CDX2: variants seen among roughly 807,000 people sequenced by gnomAD.
CDX2 encodes the protein caudal type homeobox 2, also known as homeobox protein CDX-2.
In CDX2, 7 loss-of-function variants were observed where a neutral mutation model predicts 25.5. The observed-to-expected ratio is 0.27, with a 90% CI of 0.16 to 0.52. CDX2 has a LOEUF of 0.52. CDX2 is among the 20% of genes least tolerant of loss of function. CDX2 has a pLI of 0.97. For missense variants in CDX2, 375 were observed against 431.4 expected, an observed-to-expected ratio of 0.87 and a Z score of 1.16; for synonymous variants, 222 against 198.6, an observed-to-expected ratio of 1.12 and a Z score of -0.99.
chr13:27,963,604 G>T (rs566960440), intron 2 of CDX2, among the ~76,000 whole-genome samples: 4 of 152,104 alleles, frequency 2.6e-5, no homozygotes, highest in African/African-American at 9.7e-5. Context: ...TCTTTTCAAA[G>T]CAACTTTTAT....
intron 1 of CDX2, chr13:27,967,308 T>A (rs566329641): frequency 1.7e-5 from 9 of 516,474 alleles, no homozygotes; most frequent in Non-Finnish European, 3.0e-5. Context: ...CCACCAGGAC[T>A]CTCCCTAGCA....
At chr13:27,965,089 T>C (rs1311978812) in intron 1 of CDX2, 74 bp from the exon 2 acceptor site, 1 of 1,485,554 alleles carries the variant, frequency 6.7e-7, no homozygotes, top group African/African-American at 1.4e-5. Flanking sequence ...CAAACCTCCC[T>C]AACCCAGGGA....
Position 27,969,241 on chromosome 13 carries a change from C to G in CDX2, c.-235G>C, listed in dbSNP as rs1386116357. ...TCCTTCTTTCCTCCCACCTCCTTCC[C>G]ACTAGGCTGCAGAGGCGGGGAAGAC... On this transcript the variant is annotated 5_prime_UTR_variant, in exon 1 of 3. Transcript: ENST00000381020. 1 of 535,408 alleles carries G rather than the reference C, an allele frequency of 1.9e-6. No homozygotes were observed. The highest frequency in any genetic ancestry group is 2.0e-5 in the African/African-American group (1 of 49,664). 33.2% of individuals were successfully genotyped at this position (535,408 alleles called of 1,614,324 possible).
Position 27,968,678 on chromosome 13 carries a change from G to C in CDX2, c.329C>G (p.Pro110Arg). Residue 110 changes from proline to arginine, a missense_variant, in exon 1 of 3, where the codon CCC (proline) becomes CGC (arginine). Pro to Arg is a moderately radical substitution (Grantham distance 103, BLOSUM62 -2). Transcript: ENST00000381020. Reference protein sequence around the residue: ...SPAAAMGYSSPADYHPHHHPH... With the variant: ...SPAAAMGYSSRADYHPHHHPH... ...GTGGTGGTGCGGATGGTAGTCTGCG[G>C]GGCTGCTGTAGCCCATGGCTGCGGC... The C allele has an allele frequency of 6.5e-7, 1 of 1,534,056 alleles. No individual in the cohort carries two copies. Among genetic ancestry groups the C allele is most frequent in the South Asian group, 1.2e-5 (1 of 83,486 alleles).
In CDX2 at chr13:27,961,086, G is replaced by A. The variant is rs1869022778; in HGVS notation, c.*2029C>T. Among the ~76,000 whole-genome samples, 3 of 152,082 alleles carry A rather than the reference G, an allele frequency of 2.0e-5. No homozygotes were observed. In the South Asian group the frequency reaches 6.2e-4, roughly 31 times the overall value. ...CCCCTGACCCAGGACCCCTCGCCCAGCGGACCCGGACACGGCTTCCTCCTC... is the reference window on the plus strand; with the variant it reads ...CCCCTGACCCAGGACCCCTCGCCCAACGGACCCGGACACGGCTTCCTCCTC... On this transcript the variant is annotated 3_prime_UTR_variant, in exon 3 of 3. Coordinates refer to ENST00000381020, the MANE Select transcript of CDX2 (RefSeq NM_001265.6).
chr13:27,962,984 CCT>C lies in CDX2; in HGVS notation c.*129_*130del, dbSNP rs1353122056. On this transcript the variant is annotated 3_prime_UTR_variant, in exon 3 of 3. Transcript: ENST00000381020. ...TGTCTTACTCCTGGCTCCCATTTTT[CCT>C]CTGAGAGCCAGGTCTGTAGGTCTAT... 4 of 1,155,506 alleles carry C rather than the reference CCT, an allele frequency of 3.5e-6. No individual in the cohort carries two copies. The highest frequency in any genetic ancestry group is 4.6e-6 in the Non-Finnish European group (4 of 878,976). The allele number at this position is 1,155,506 out of a possible 1,614,324, so 71.6% of individuals were successfully genotyped here.
chr13:27,963,057 A>C lies in CDX2; in HGVS notation c.*58T>G. 2 of 1,553,428 alleles carry C rather than the reference A, an allele frequency of 1.3e-6. No individual in the cohort carries two copies. Among genetic ancestry groups the C allele is most frequent in the Non-Finnish European group, 1.7e-6 (2 of 1,148,770 alleles). On this transcript the variant is annotated 3_prime_UTR_variant, in exon 3 of 3. Coordinates refer to ENST00000381020, the MANE Select transcript of CDX2 (RefSeq NM_001265.6). ...GGGTCTCTCCTGAGGAGTCTAGCAG[A>C]GTCCACGCTCCTCATGGCTCAGCCT...
chr13:27,968,984 T>C lies in CDX2; in HGVS notation c.23A>G (p.Asp8Gly), dbSNP rs759160901. Reference protein sequence around the residue: MYVSYLLDKDVSMYPSSV... With the variant: MYVSYLLGKDVSMYPSSV... ...GCTAGGGTACATGCTCACGTCCTTG[T>C]CCAGGAGGTAGCTCACGTACATGGT... The change falls in exon 1 of 3, where the codon GAC (aspartate) becomes GGC (glycine). Residue 8 changes from aspartate (D) to glycine (G), a missense_variant. Asp to Gly is a moderately conservative substitution (Grantham distance 94, BLOSUM62 -1). This residue lies in a region of CDX2 where 253 missense variants were observed against 247.5 expected (regional missense o/e 1.02). Coordinates refer to ENST00000381020, the MANE Select transcript of CDX2 (RefSeq NM_001265.6). The C allele has an allele frequency of 1.2e-6, 2 of 1,600,656 alleles. No homozygotes were observed. Among genetic ancestry groups the C allele is most frequent in the Admixed American group, 3.3e-5 (2 of 59,820 alleles).
At position 27,963,038 on chromosome 13, in the gene CDX2, C is replaced by T; in HGVS notation, c.*77G>A. On this transcript the variant is annotated 3_prime_UTR_variant, in exon 3 of 3. Coordinates refer to ENST00000381020, the MANE Select transcript of CDX2 (RefSeq NM_001265.6). ...GCTGTGGGTGGGAGGGGAGGGGTCT[C>T]TCCTGAGGAGTCTAGCAGAGTCCAC... 8 of 1,511,884 alleles carry T rather than the reference C, an allele frequency of 5.3e-6. No homozygotes were observed. The highest frequency in any genetic ancestry group is 7.1e-6 in the Non-Finnish European group (8 of 1,129,394). 93.7% of individuals were successfully genotyped at this position (1,511,884 alleles called of 1,614,324 possible). A position where few individuals can be genotyped will look rare whatever the true frequency, so the allele number is the denominator to read the frequency against.
At chr13:27,963,492 G>T in intron 2 of CDX2, 123 bp from the exon 3 acceptor site, 1 of 823,210 alleles carries the variant, frequency 1.2e-6, no homozygotes, top group Non-Finnish European at 1.9e-6. Flanking sequence ...CCTTCTAGAA[G>T]CTTTCCTCGG....
intron 1 of CDX2, chr13:27,967,298 C>G (rs1270122017): frequency 1.9e-6 from 1 of 514,672 alleles, no homozygotes; most frequent in African/African-American, 1.9e-5. Context: ...GGCGGCATTC[C>G]CACCAGGACT....
intron 1 of CDX2, among the ~76,000 whole-genome samples, chr13:27,965,744 T>A (rs950472377): frequency 2.6e-5 from 4 of 152,144 alleles, no homozygotes; most frequent in African/African-American, 9.7e-5. Flanking sequence ...TTGGATTGAG[T>A]CAACATATTA....
intron 1 of CDX2, among the ~76,000 whole-genome samples, chr13:27,966,949 C>G (rs1374489024): frequency 6.6e-6 from 1 of 150,882 alleles, no homozygotes. Flanking sequence ...ACATTAACAT[C>G]ACAAGGGCAC....
At position 27,963,213 on chromosome 13, in the gene CDX2, A is replaced by G; in HGVS notation, c.844T>C (p.Leu282=). The G allele has an allele frequency of 6.2e-7, 1 of 1,614,242 alleles. No individual in the cohort carries two copies. Among genetic ancestry groups the G allele is most frequent in the Non-Finnish European group, 8.5e-7 (1 of 1,180,042 alleles). Residue 282 remains leucine, a synonymous_variant, in exon 3 of 3, where the codon TTG becomes CTG. Transcript: ENST00000381020. ...PGPLRSVPEP[L]SPVSSLQASV... is the part of the protein sequence containing the mutation. ...GCTTGCAGGGAAGACACCGGACTCA[A>G]GGGCTCTGGGACACTTCTCAGAGGA...
intron 2 of CDX2, among the ~76,000 whole-genome samples, chr13:27,963,956 T>C (rs1011146847): frequency 1.3e-5 from 2 of 152,206 alleles, no homozygotes; most frequent in African/African-American, 4.8e-5. Flanking sequence ...AATAGGTCTT[T>C]AATATGTCTT....
chr13:27,963,450 A>C, intron 2 of CDX2, 81 bp from the exon 3 acceptor site: 1 of 1,154,916 alleles, frequency 8.7e-7, no homozygotes, highest in Non-Finnish European at 1.2e-6. Flanking sequence ...AGTATCATCA[A>C]CATCTTCTGC....
intron 2 of CDX2, among the ~76,000 whole-genome samples, chr13:27,963,898 G>A (rs1869189921): frequency 6.6e-6 from 1 of 152,170 alleles, no homozygotes; most frequent in Admixed American, 6.5e-5. Flanking sequence ...GAGAGACTGA[G>A]TACTTTATTC....
At chr13:27,963,492 G>A in intron 2 of CDX2, 123 bp from the exon 3 acceptor site, 1 of 823,212 alleles carries the variant, frequency 1.2e-6, no homozygotes, top group Non-Finnish European at 1.9e-6. Context: ...CCTTCTAGAA[G>A]CTTTCCTCGG....
chr13:27,968,702 G>T lies in CDX2; in HGVS notation c.305C>A (p.Ala102Asp). The T allele has an allele frequency of 6.5e-7, 1 of 1,531,240 alleles. No individual in the cohort carries two copies. The allele number at this position is 1,531,240 out of a possible 1,614,324, so 94.9% of individuals were successfully genotyped here. ...VAHGLNGGSP[A>D]AAMGYSSPAD... ...GGGGCTGCTGTAGCCCATGGCTGCG[G>T]CCGGGGAGCCACCGTTGAGGCCGTG... Residue 102 changes from alanine (A) to aspartate (D), a missense_variant, in exon 1 of 3, where the codon GCC becomes GAC. By Grantham distance (126) the Ala-to-Asp change is moderately radical (BLOSUM62 -2). Coordinates refer to ENST00000381020, the MANE Select transcript of CDX2 (RefSeq NM_001265.6).
Sources: gnomAD v4.1 joint callset for allele counts (sites outside exome capture counted in the v4.1 genomes callset) on GRCh38, gnomAD v4.1.1 for gene constraint, gnomAD v4.1.1 regional missense constraint, MANE v1.5 for transcripts, NCBI Gene and HGNC (gene_info 2026-07-23, HGNC 2026-07-21) for gene names.